DNAI2: variants seen among roughly 807,000 people sequenced by gnomAD.
DNAI2 encodes dynein axonemal intermediate chain 2.
In DNAI2, 63 loss-of-function variants were observed where a neutral mutation model predicts 74.7. The ratio of observed to expected loss-of-function variants is 0.84; its 90% confidence interval spans 0.69 to 1.04. The LOEUF is 1.04. Ranked by LOEUF, DNAI2 falls within the 50% of genes least tolerant of loss-of-function variation. The pLI is 0.00. For synonymous variants in DNAI2, 289 were observed against 314.9 expected, an observed-to-expected ratio of 0.92 and a Z score of 0.87; for missense variants, 688 against 803.2, an observed-to-expected ratio of 0.86 and a Z score of 1.73.
At chr17:74,296,870 G>A (rs994104284) in intron 6 of DNAI2, among the ~76,000 whole-genome samples, 2 of 152,034 alleles carry the variant, frequency 1.3e-5, no homozygotes, top group African/African-American at 2.4e-5. Context: ...TCTTAACTAG[G>A]GCAAGTGAAA....
intron 6 of DNAI2, among the ~76,000 whole-genome samples, chr17:74,297,422 GCTCTGTC>G (rs2052514139): frequency 7.2e-6 from 1 of 139,324 alleles, no homozygotes; most frequent in South Asian, 2.3e-4. Context: ...ACAGGGTCTT[GCTCTGTC>G]ACCCAGGCTG....
At chr17:74,277,724 T>G (rs1427290020) in intron 1 of DNAI2, among the ~76,000 whole-genome samples, 3 of 152,256 alleles carry the variant, frequency 2.0e-5, no homozygotes, top group Non-Finnish European at 4.4e-5. Flanking sequence ...GGTAGTCATG[T>G]TCACCTAGGG....
rs1364433147 is a variant in DNAI2, at chr17:74,308,710, C to T, written c.1212-543C>T. The stretch of plus-strand genomic sequence containing the variant: ...CTAATTTTTTTATTTTTTGTAGAAA[C>T]AGGGTCTTTCCATGTTGTCCAGGCT... On this transcript the variant is annotated intron_variant, in intron 9 of 13. Coordinates refer to ENST00000311014, the MANE Select transcript of DNAI2 (RefSeq NM_023036.6). Among the ~76,000 whole-genome samples, 3 of 152,114 alleles carry T rather than the reference C, an allele frequency of 2.0e-5. No homozygotes were observed. The East Asian group carries it at 5.8e-4, about 30-fold the overall frequency.
intron 7 of DNAI2, 123 bp downstream of exon 7, chr17:74,299,980 C>T (rs1162553347): frequency 7.0e-7 from 1 of 1,425,498 alleles, no homozygotes; most frequent in Non-Finnish European, 9.5e-7. Flanking sequence ...TGGAGTTTCA[C>T]TCTTGTTGCC....
intron 1 of DNAI2, among the ~76,000 whole-genome samples, chr17:74,279,455 A>G (rs2051273169): frequency 6.6e-6 from 1 of 152,130 alleles, no homozygotes; most frequent in South Asian, 2.1e-4. Flanking sequence ...CCATAAATAT[A>G]TACACCTACT....
At chr17:74,293,249 ACTGATGT>A (rs1567855113) in intron 6 of DNAI2, among the ~76,000 whole-genome samples, 1 of 152,116 alleles carries the variant, frequency 6.6e-6, no homozygotes, top group Non-Finnish European at 1.5e-5. Context: ...AAAGTAGGAT[ACTGATGT>A]CTGCCATTAT....
At chr17:74,287,954 C>CA (rs35302128) in intron 4 of DNAI2, among the ~76,000 whole-genome samples, 52,660 of 134,238 alleles carry the variant, frequency 0.39, 10,520 homozygotes, top group East Asian at 0.79. Context: ...GACTCTGTCT[C>CA]AAAAAAAAAA....
At position 74,285,060 on chromosome 17, in the gene DNAI2, G is replaced by C. The variant is rs1400041025; in HGVS notation, c.204G>C (p.Glu68Asp). Residue 68 changes from glutamate to aspartate, a missense_variant, in exon 3 of 14, where the codon GAG becomes GAC. Glu to Asp is a conservative substitution (Grantham distance 45, BLOSUM62 2). Transcript: ENST00000311014. ...SEHEANSERF[E>D]METRGVNHVE... is the part of the protein sequence containing the mutation. ...TTTAGGCCAACTCAGAGCGGTTTGA[G>C]ATGGAGACCCGGGGAGTTAACCATG... 2 of 1,614,232 alleles carry C rather than the reference G, an allele frequency of 1.2e-6. No homozygotes were observed. The highest frequency in any genetic ancestry group is 1.3e-5 in the African/African-American group (1 of 75,068).
intron 4 of DNAI2, among the ~76,000 whole-genome samples, chr17:74,288,159 A>G (rs1180079918): frequency 6.6e-6 from 1 of 152,202 alleles, no homozygotes; most frequent in Admixed American, 6.5e-5. Flanking sequence ...ACCGTACTTC[A>G]AGTACCCATA....
intron 9 of DNAI2, among the ~76,000 whole-genome samples, chr17:74,308,270 A>G (rs2053303347): frequency 1.3e-5 from 2 of 152,182 alleles, no homozygotes; most frequent in Admixed American, 1.3e-4. Flanking sequence ...TGAAGGCTGC[A>G]CTGTGTGTGT....
rs531514142 is a variant in DNAI2 at position 74,299,842 on chromosome 17, T to C, written c.849T>C (p.Ala283=). The C allele has an allele frequency of 1.5e-5, 24 of 1,613,330 alleles. No homozygotes were observed. In the South Asian group the frequency reaches 2.2e-4, roughly 15 times the overall value. Residue 283 remains alanine, a synonymous_variant, in exon 7 of 14, where the codon GCT becomes GCC. Coordinates refer to ENST00000311014, the MANE Select transcript of DNAI2 (RefSeq NM_023036.6). ...QSKTGTECFS[A]STDGQVMWWD... ...AGACGGGCACCGAGTGCTTCTCAGC[T>C]TCCACGGATGGGCAGGTACCCACCA...
At chr17:74,281,652 G>T in intron 1 of DNAI2, 155 bp from the exon 2 acceptor site, 1 of 675,626 alleles carries the variant, frequency 1.5e-6, no homozygotes, top group Non-Finnish European at 2.5e-6. Flanking sequence ...TTTTAATGCG[G>T]ATGCAGCTTC....
intron 8 of DNAI2, among the ~76,000 whole-genome samples, chr17:74,302,026 A>AGAAG (rs1253918401): frequency 1.3e-4 from 2 of 15,858 alleles, no homozygotes; most frequent in African/African-American, 5.5e-4. Context: ...AAGGAAGGAA[A>AGAAG]GAAGGAAGGA....
rs570168701 is a variant in DNAI2 at position 74,301,114 on chromosome 17, G to A, written c.933G>A (p.Lys311=). Residue 311 remains lysine (K), a synonymous_variant, in exon 8 of 14, where the codon AAG becomes AAA. Coordinates refer to ENST00000311014, the MANE Select transcript of DNAI2 (RefSeq NM_023036.6). ...TEVVILDITK[K]EQLENALGAI... ...TTGTGATCTTGGACATCACCAAGAA[G>A]GAACAGTTGGAAAATGCCTTGGGGG... 7.9e-4 allele frequency: 1,276 copies of A among 1,614,106 alleles called. 16 individuals carry two copies. In the South Asian group the frequency reaches 0.013, roughly 17 times the overall value.
At position 74,314,171 on chromosome 17, in the gene DNAI2, A is replaced by G. The variant is rs2144147960; in HGVS notation, c.1773A>G (p.Ala591=). ...EDQVVEEGEE[A]AGEEGDEEVE... Reference sequence around the variant, plus strand: ...AGGTGGTGGAGGAGGGAGAGGAAGCAGCGGGGGAAGAAGGGGATGAAGAAG... The same window carrying G: ...AGGTGGTGGAGGAGGGAGAGGAAGCGGCGGGGGAAGAAGGGGATGAAGAAG... Residue 591 remains alanine (A), a synonymous_variant, in exon 13 of 14, where the codon GCA becomes GCG. Transcript: ENST00000311014. 1.2e-6 allele frequency: 2 copies of G among 1,614,238 alleles called. 1 individual carries two copies. Among genetic ancestry groups the G allele is most frequent in the Admixed American group, 3.3e-5 (2 of 60,034 alleles).
At chr17:74,275,246 C>G (rs1485980440) in intron 1 of DNAI2, among the ~76,000 whole-genome samples, 1 of 152,170 alleles carries the variant, frequency 6.6e-6, no homozygotes, top group Non-Finnish European at 1.5e-5. Flanking sequence ...CCATCGGTCT[C>G]CAATTCTGGG....
Position 74,291,079 on chromosome 17 carries a change from T to A in DNAI2, c.670T>A (p.Phe224Ile). 1 of 1,614,112 alleles carries A rather than the reference T, an allele frequency of 6.2e-7. No individual in the cohort carries two copies. The highest frequency in any genetic ancestry group is 8.5e-7 in the Non-Finnish European group (1 of 1,180,030). The change falls in exon 6 of 14, where the codon TTC becomes ATC. Residue 224 changes from phenylalanine (F) to isoleucine (I), a missense_variant. Coordinates refer to ENST00000311014, the MANE Select transcript of DNAI2 (RefSeq NM_023036.6). ...ATCGTCTCCACTCGTGACGTTGGAG[T>A]TCAACCCCAAAGATTCCCACGTACT... ...KPSSPLVTLE[F>I]NPKDSHVLLG...
At chr17:74,277,384 CAAAAA>C (rs34911667) in intron 1 of DNAI2, among the ~76,000 whole-genome samples, 5 of 123,822 alleles carry the variant, frequency 4.0e-5, no homozygotes, top group Non-Finnish European at 3.4e-5. Flanking sequence ...GAATCCATCT[CAAAAA>C]AAAAAAAAAA....
At chr17:74,307,692 A>G (rs1489789975) in intron 9 of DNAI2, among the ~76,000 whole-genome samples, 1 of 150,792 alleles carries the variant, frequency 6.6e-6, no homozygotes, top group East Asian at 1.9e-4. Context: ...CACTTAGTTA[A>G]ATCTGAATTT....
Sources: gnomAD v4.1 joint callset for allele counts (sites outside exome capture counted in the v4.1 genomes callset) on GRCh38, gnomAD v4.1.1 for gene constraint, MANE v1.5 for transcripts, NCBI Gene and HGNC (gene_info 2026-07-23, HGNC 2026-07-21) for gene names.